ALG9: variants seen among roughly 807,000 people sequenced by gnomAD.
ALG9 encodes ALG9 alpha-1,2-mannosyltransferase.
ALG9 carries 55 observed loss-of-function variants against 81.8 expected under a neutral mutation model. That is an observed-to-expected ratio of 0.67 (90% CI 0.54 to 0.84). ALG9 has a LOEUF of 0.84. Ranked by LOEUF, ALG9 falls within the 40% of genes least tolerant of loss-of-function variation. The pLI is 0.00. For missense variants in ALG9, 629 were observed against 745.0 expected, an observed-to-expected ratio of 0.84 and a Z score of 1.81; for synonymous variants, 278 against 274.3, an observed-to-expected ratio of 1.01 and a Z score of -0.13.
intron 4 of ALG9, among the ~76,000 whole-genome samples, chr11:111,862,820 A>G (rs1960804830): frequency 6.6e-6 from 1 of 151,954 alleles, no homozygotes; most frequent in African/African-American, 2.4e-5. Context: ...ACTTGTTTGA[A>G]AATGTTAAAT....
rs1555119551 is a variant in ALG9 at position 111,838,239 on chromosome 11, G to A, written c.1324+10C>T. ...GTCAGTGTAGGTTAAGATATTCTTAGAAGATCTACCTCTGAACAGTGCCAC... is the reference window on the plus strand; with the variant it reads ...GTCAGTGTAGGTTAAGATATTCTTAAAAGATCTACCTCTGAACAGTGCCAC... On this transcript the variant is annotated intron_variant, in intron 11 of 14. Coordinates refer to ENST00000616540, the MANE Select transcript of ALG9 (RefSeq NM_024740.2). The A allele has an allele frequency of 1.2e-6, 2 of 1,613,826 alleles. No homozygotes were observed. The highest frequency in any genetic ancestry group is 8.5e-7 in the Non-Finnish European group (1 of 1,179,890).
At chr11:111,770,678 A>G in the ALG9 span, among the ~76,000 whole-genome samples, 1 of 152,174 alleles carries the variant, frequency 6.6e-6, no homozygotes, top group Non-Finnish European at 1.5e-5. Flanking sequence ...CAGCCTGGGA[A>G]TAGAGCCAGA....
chr11:111,811,642 T>C (rs1222076008), intron 13 of ALG9, among the ~76,000 whole-genome samples: 1 of 151,396 alleles, frequency 6.6e-6, no homozygotes, highest in Non-Finnish European at 1.5e-5. Flanking sequence ...GGTATATCCA[T>C]ACAATAGAAC....
chr11:111,805,445 G>A, intron 14 of ALG9: 1 of 415,138 alleles, frequency 2.4e-6, no homozygotes, highest in Non-Finnish European at 4.8e-6. Flanking sequence ...ATAAACTGTG[G>A]CACATCCAGA....
chr11:111,864,079 C>T (rs1259483659), intron 4 of ALG9, among the ~76,000 whole-genome samples: 1 of 152,092 alleles, frequency 6.6e-6, no homozygotes, highest in Non-Finnish European at 1.5e-5. Flanking sequence ...CAGAAATCAC[C>T]ACTAAAGAAC....
At chr11:111,790,875 C>T (rs1751811153) in intron 14 of ALG9, among the ~76,000 whole-genome samples, 1 of 152,106 alleles carries the variant, frequency 6.6e-6, no homozygotes, top group Non-Finnish European at 1.5e-5. Context: ...GCCTGCACAG[C>T]CACCTAGAAA....
At chr11:111,859,374 C>T (rs1592356846) in intron 5 of ALG9, among the ~76,000 whole-genome samples, 1 of 151,812 alleles carries the variant, frequency 6.6e-6, no homozygotes, top group East Asian at 1.9e-4. Context: ...TGGTGGTGCA[C>T]GCCTGTAATC....
In ALG9 at chr11:111,836,307, C is replaced by A; in HGVS notation, c.1473-13G>T. 1 of 1,613,774 alleles carries A rather than the reference C, an allele frequency of 6.2e-7. No homozygotes were observed. Among genetic ancestry groups the A allele is most frequent in the Non-Finnish European group, 8.5e-7 (1 of 1,179,878 alleles). Reference sequence around the variant, plus strand: ...CTGAAGCTGCCAACTGTCAGAAACACAAGGAGAATAAGAAAAACACAGGGG... The same window carrying A: ...CTGAAGCTGCCAACTGTCAGAAACAAAAGGAGAATAAGAAAAACACAGGGG... On this transcript the variant is annotated splice_polypyrimidine_tract_variant and intron_variant, in intron 12 of 14. Coordinates refer to ENST00000616540, the MANE Select transcript of ALG9 (RefSeq NM_024740.2).
intron 14 of ALG9, chr11:111,805,206 CT>C: frequency 2.2e-6 from 1 of 455,462 alleles, no homozygotes; most frequent in Admixed American, 2.4e-5. Context: ...GCTAGCTTGT[CT>C]TCTTGCAGCC....
intron 13 of ALG9, chr11:111,817,577 T>G (rs1951690521): frequency 6.6e-6 from 1 of 152,096 alleles, no homozygotes; most frequent in Admixed American, 6.6e-5. Flanking sequence ...CTCAGCCTCC[T>G]AAGTAGCTGG....
chr11:111,785,420 C>G lies in ALG9; in HGVS notation c.*977G>C, dbSNP rs1555061990. The G allele has an allele frequency of 1.3e-5, 2 of 152,718 alleles. No homozygotes were observed. Among genetic ancestry groups the G allele is most frequent in the East Asian group, 3.8e-4 (2 of 5,200 alleles). The allele number at this position is 152,718 out of a possible 1,614,324, so 9.5% of individuals were successfully genotyped here. On this transcript the variant is annotated 3_prime_UTR_variant, in exon 15 of 15. Transcript: ENST00000616540. ...CCTATTTGACTAGAAGTGCCCCATG[C>G]AGGATGTGCCTCACAACAGACAGAA...
downstream of ALG9, among the ~76,000 whole-genome samples, chr11:111,779,480 A>G (rs1945808036): frequency 1.3e-5 from 2 of 152,064 alleles, no homozygotes; most frequent in African/African-American, 4.8e-5. Flanking sequence ...AAGTTGCCTC[A>G]TTTATATACT....
intron 14 of ALG9, among the ~76,000 whole-genome samples, chr11:111,796,060 C>T (rs1948239471): frequency 6.6e-6 from 1 of 152,152 alleles, no homozygotes; most frequent in African/African-American, 2.4e-5. Context: ...GGGGTCACAT[C>T]AGCAAATGAT....
At chr11:111,849,342 C>T (rs1957408486) in intron 8 of ALG9, 2 of 152,220 alleles carry the variant, frequency 1.3e-5, no homozygotes, top group Non-Finnish European at 2.9e-5. Flanking sequence ...TGAGCCACCA[C>T]ACCTGACCTT....
chr11:111,801,884 A>T (rs1949174104), intron 14 of ALG9, among the ~76,000 whole-genome samples: 2 of 152,236 alleles, frequency 1.3e-5, no homozygotes, highest in Non-Finnish European at 2.9e-5. Context: ...ATGTTGTCAC[A>T]GTTTTCTCAA....
chr11:111,831,766 T>A (rs1555113575), intron 13 of ALG9, among the ~76,000 whole-genome samples: 1 of 152,208 alleles, frequency 6.6e-6, no homozygotes, highest in African/African-American at 2.4e-5. Flanking sequence ...TATGATTCTT[T>A]TTACTGGTTA....
rs889705060 is a variant in ALG9 at position 111,836,205 on chromosome 11, G to T, written c.1562C>A (p.Thr521Asn). 1.9e-6 allele frequency: 3 copies of T among 1,613,900 alleles called. No homozygotes were observed. Among genetic ancestry groups the T allele is most frequent in the Non-Finnish European group, 2.5e-6 (3 of 1,179,926 alleles). Residue 521 changes from threonine to asparagine, a missense_variant, in exon 13 of 15, where the codon ACT (threonine) becomes AAT (asparagine). Thr to Asn is a moderately conservative substitution (Grantham distance 65). This residue lies in a region of ALG9 where 264 missense variants were observed against 302.2 expected (regional missense o/e 0.87). Coordinates refer to ENST00000616540, the MANE Select transcript of ALG9 (RefSeq NM_024740.2). The stretch of plus-strand genomic sequence containing the variant: ...TTCTAGATTCTGGTCATTCATGTCA[G>T]TAGGAACAATCCGGGTGGCCAGAGG... The part of the protein sequence containing the change: ...EGPLATRIVP[T>N]DMNDQNLEEP...
Position 111,870,284 on chromosome 11 carries a change from G to A in ALG9, c.218C>T (p.Ala73Val). 16 of 1,610,228 alleles carry A rather than the reference G, an allele frequency of 9.9e-6. No individual in the cohort carries two copies. Among genetic ancestry groups the A allele is most frequent in the Non-Finnish European group, 1.4e-5 (16 of 1,179,024 alleles). Residue 73 changes from alanine (A) to valine (V), a missense_variant, in exon 2 of 15, where the codon GCT becomes GTT. Physicochemically the swap from Ala to Val is moderately conservative, Grantham distance 64. Transcript: ENST00000616540. ...KCLLSARLCA[A>V]LLSNISDCDE... ...ACAGTCAGAGATGTTGCTCAGGAGA[G>A]CAGCACATAACCTTGCTGAAAGCAG...
rs45516107 is a variant in ALG9 at position 111,837,557 on chromosome 11, G to A, written c.1383C>T (p.Thr461=). The A allele has an allele frequency of 8.8e-3, 14,266 of 1,614,154 alleles. 85 individuals carry two copies. The highest frequency in any genetic ancestry group is 0.011 in the Non-Finnish European group (13,164 of 1,180,014). ...GTCTGCCTTCTGGGACAGTGTGGATGGTTGGGTCTGTAGCAATTCGGTAAA... is the reference window on the plus strand; with the variant it reads ...GTCTGCCTTCTGGGACAGTGTGGATAGTTGGGTCTGTAGCAATTCGGTAAA... ...PEFYRIATDP[T]IHTVPEGRPV... The change falls in exon 12 of 15, where the codon ACC becomes ACT. Residue 461 remains threonine, a synonymous_variant. Transcript: ENST00000616540.
Sources: allele counts gnomAD v4.1 joint callset (sites outside exome capture counted in the v4.1 genomes callset), GRCh38; gene constraint gnomAD v4.1.1; regional missense constraint gnomAD v4.1.1; transcripts MANE v1.5; gene names NCBI Gene and HGNC (gene_info 2026-07-23, HGNC 2026-07-21).